The following FAM3D variants were observed in gnomAD, a reference collection of about 807,000 sequenced individuals.
FAM3D encodes protein FAM3D.
Under a neutral mutation model 29.8 loss-of-function variants are expected in FAM3D, and 26 were observed. That is an observed-to-expected ratio of 0.87 (90% CI 0.64 to 1.21). FAM3D has a LOEUF of 1.21. Among genes scored for constraint, FAM3D ranks in the 50% most tolerant of loss-of-function variants. The pLI is 0.00. For synonymous variants in FAM3D, 115 were observed against 102.3 expected, an observed-to-expected ratio of 1.12 and a Z score of -0.75; for missense variants, 253 against 290.9, an observed-to-expected ratio of 0.87 and a Z score of 0.95.
At chr3:58,636,147 C>G in intron 9 of FAM3D, 147 bp downstream of exon 9, 2 of 1,313,570 alleles carry the variant, frequency 1.5e-6, no homozygotes, top group Non-Finnish European at 2.1e-6. Context: ...ACCACCCTGG[C>G]CTTTGGAGTG....
Position 58,634,369 on chromosome 3 carries a change from C to T in FAM3D, c.586-1G>A. 1.9e-6 allele frequency: 3 copies of T among 1,613,574 alleles called. No individual in the cohort carries two copies. The highest frequency in any genetic ancestry group is 2.5e-6 in the Non-Finnish European group (3 of 1,179,794). On this transcript the variant is annotated splice_acceptor_variant, in intron 9 of 9. Transcript: ENST00000358781. LOFTEE classifies it high-confidence loss of function. The surrounding 1 kb of genome is among the most constrained non-coding windows in gnomAD (Gnocchi z 4.6). ...TTGTGTCTGGGCTGTTCTTTAAGAA[C>T]TAGAGAGAGAGAAGACAGAGAAATA...
At chr3:58,637,077 GC>G (rs1227670255) in intron 8 of FAM3D, 63 bp downstream of exon 8, 3 of 1,382,648 alleles carry the variant, frequency 2.2e-6, no homozygotes, top group Non-Finnish European at 3.1e-6. Flanking sequence ...AAAAGGGTGT[GC>G]AGGGTTTGAA....
intron 6 of FAM3D, among the ~76,000 whole-genome samples, chr3:58,642,121 G>A (rs954385077): frequency 6.6e-6 from 1 of 152,176 alleles, no homozygotes; most frequent in Admixed American, 6.5e-5. Flanking sequence ...CATTGAGGCT[G>A]GAGTGGAACA....
intron 3 of FAM3D, among the ~76,000 whole-genome samples, chr3:58,649,595 G>A (rs777843541): frequency 2.6e-5 from 4 of 152,008 alleles, no homozygotes; most frequent in Non-Finnish European, 4.4e-5. Flanking sequence ...AGATATATGT[G>A]ACACTCATGT....
At chr3:58,654,791 T>G (rs1274346027) in intron 2 of FAM3D, among the ~76,000 whole-genome samples, 1 of 152,172 alleles carries the variant, frequency 6.6e-6, no homozygotes, top group African/African-American at 2.4e-5. Flanking sequence ...TGGGGTGGGA[T>G]GCAGGTCTGT....
rs77562337 is a variant in FAM3D at position 58,638,260 on chromosome 3, T to C, written c.374-1035A>G. ...TAGCTTTCCATTTAAGGCAGTAATATAGTTTCCTTTTAAGATATATTTACT... is the reference window on the plus strand; with the variant it reads ...TAGCTTTCCATTTAAGGCAGTAATACAGTTTCCTTTTAAGATATATTTACT... On this transcript the variant is annotated intron_variant, in intron 7 of 9. Transcript: ENST00000358781. 8.0e-3 allele frequency among the ~76,000 whole-genome samples: 1,224 copies of C among 152,330 alleles called. 21 individuals carry two copies. The highest frequency in any genetic ancestry group is 0.027 in the African/African-American group (1,118 of 41,572).
rs1452134259 is a variant in FAM3D, at chr3:58,634,640, G to C, written c.586-272C>G. ...CCCACAAATTCTCTGTGTCCCTCTAGGATACCTCAAATAACAATAATGATA... is the reference window on the plus strand; with the variant it reads ...CCCACAAATTCTCTGTGTCCCTCTACGATACCTCAAATAACAATAATGATA... On this transcript the variant is annotated intron_variant, in intron 9 of 9. Coordinates refer to ENST00000358781, the MANE Select transcript of FAM3D (RefSeq NM_138805.3). The surrounding 1 kb of genome is among the most constrained non-coding windows in gnomAD (Gnocchi z 4.6). Among the ~76,000 whole-genome samples, 1 of 152,108 alleles carries C rather than the reference G, an allele frequency of 6.6e-6. No individual in the cohort carries two copies. Among genetic ancestry groups the C allele is most frequent in the East Asian group, 1.9e-4 (1 of 5,194 alleles).
intron 7 of FAM3D, among the ~76,000 whole-genome samples, chr3:58,638,521 T>C (rs150730084): frequency 1.3e-5 from 2 of 152,312 alleles, no homozygotes; most frequent in East Asian, 1.9e-4. Context: ...AACCAAAAAT[T>C]ATTAGCAGGA....
At chr3:58,652,563 C>T (rs1323196603) in intron 3 of FAM3D, among the ~76,000 whole-genome samples, 1 of 151,344 alleles carries the variant, frequency 6.6e-6, no homozygotes, top group African/African-American at 2.4e-5. Flanking sequence ...ACCCACTCAT[C>T]CATCCATCCA....
chr3:58,634,169 C>A lies in FAM3D; in HGVS notation c.*110G>T, dbSNP rs3860564. On this transcript the variant is annotated 3_prime_UTR_variant, in exon 10 of 10. Coordinates refer to ENST00000358781, the MANE Select transcript of FAM3D (RefSeq NM_138805.3). This position sits in a 1 kb window ranked among gnomAD's most constrained non-coding sequence, Gnocchi z 4.6. Reference sequence around the variant, plus strand: ...ACACAGCGTGCAAGGACCTGCAGCACCTTCCACGCAGCACCCCCTGCTCCT... The same window carrying A: ...ACACAGCGTGCAAGGACCTGCAGCAACTTCCACGCAGCACCCCCTGCTCCT... 2,309 of 947,900 alleles carry A rather than the reference C, an allele frequency of 2.4e-3. 48 individuals carry two copies. The East Asian group carries it at 0.043, about 18-fold the overall frequency. 58.7% of individuals were successfully genotyped at this position (947,900 alleles called of 1,614,324 possible). A position where few individuals can be genotyped will look rare whatever the true frequency, so the allele number is the denominator to read the frequency against.
At chr3:58,641,194 C>T (rs892469825) in intron 6 of FAM3D, among the ~76,000 whole-genome samples, 1 of 152,148 alleles carries the variant, frequency 6.6e-6, no homozygotes. Context: ...TTGGGCTTCC[C>T]CACATCTGGC....
intron 6 of FAM3D, among the ~76,000 whole-genome samples, chr3:58,642,330 G>C (rs958576238): frequency 1.3e-5 from 2 of 152,212 alleles, no homozygotes; most frequent in Non-Finnish European, 2.9e-5. Flanking sequence ...AGCGAGAAAA[G>C]GCTTTCTCTG....
In FAM3D at chr3:58,636,348, G is replaced by A. The variant is rs749412857; in HGVS notation, c.531C>T (p.Asp177=). The change falls in exon 9 of 10, where the codon GAC becomes GAT. Residue 177 remains aspartate (D), a synonymous_variant. Transcript: ENST00000358781. ...CTTTGGCTCCTATGAAGACCCAGCT[G>A]TCCCGGAAGCCCAGTTGTTTTGCGT... ...SSYAKQLGFR[D]SWVFIGAKDL... is the part of the protein sequence containing the mutation. 1 of 1,614,226 alleles carries A rather than the reference G, an allele frequency of 6.2e-7. No individual in the cohort carries two copies. Among genetic ancestry groups the A allele is most frequent in the Non-Finnish European group, 8.5e-7 (1 of 1,180,036 alleles).
intron 4 of FAM3D, among the ~76,000 whole-genome samples, chr3:58,647,367 A>C (rs1055673343): frequency 1.3e-5 from 2 of 152,148 alleles, no homozygotes; most frequent in African/African-American, 4.8e-5. Context: ...GAAGGGGCCC[A>C]GCCCCCACCT....
At chr3:58,664,078 C>A (rs1412698167) in intron 1 of FAM3D, among the ~76,000 whole-genome samples, 1 of 90,422 alleles carries the variant, frequency 1.1e-5, no homozygotes, top group Non-Finnish European at 2.7e-5. Context: ...GACTGCCTGG[C>A]CATAAAGCTT....
In FAM3D at chr3:58,635,491, G is replaced by A. The variant is rs751563284; in HGVS notation, c.585+803C>T. ...GATGCTGGGCTTCCTGTACTCCCAC[G>A]CCTCCTCTGTCTTGCCGGTTCCCCT... is the stretch of plus-strand genomic sequence containing the variant. On this transcript the variant is annotated intron_variant, in intron 9 of 9. Coordinates refer to ENST00000358781, the MANE Select transcript of FAM3D (RefSeq NM_138805.3). This position sits in a 1 kb window ranked among gnomAD's most constrained non-coding sequence, Gnocchi z 5.2. 7.2e-5 allele frequency among the ~76,000 whole-genome samples: 11 copies of A among 152,156 alleles called. No homozygotes were observed. The highest frequency in any genetic ancestry group is 1.5e-4 in the Non-Finnish European group (10 of 68,030).
intron 5 of FAM3D, 112 bp from the exon 6 acceptor site, chr3:58,643,832 G>A: frequency 1.1e-6 from 1 of 923,268 alleles, no homozygotes; most frequent in Non-Finnish European, 1.8e-6. Flanking sequence ...CAGAAGCATT[G>A]GGAAACACAT....
chr3:58,645,472 A>G (rs766950758), intron 5 of FAM3D, 37 bp downstream of exon 5: 3 of 1,434,084 alleles, frequency 2.1e-6, no homozygotes, highest in Non-Finnish European at 2.8e-6. Context: ...AAAATAAAAT[A>G]AAATAAAATA....
At chr3:58,661,735 G>T (rs1426934246) in intron 1 of FAM3D, among the ~76,000 whole-genome samples, 3 of 152,188 alleles carry the variant, frequency 2.0e-5, no homozygotes, top group African/African-American at 7.2e-5. Context: ...ATTTAGTGAA[G>T]ATTAAAGGCA....
Sources: allele counts gnomAD v4.1 joint callset (sites outside exome capture counted in the v4.1 genomes callset), GRCh38; gene constraint gnomAD v4.1.1; non-coding constraint Gnocchi (gnomAD v3.1); transcripts MANE v1.5; gene names NCBI Gene and HGNC (gene_info 2026-07-23, HGNC 2026-07-21).